The following RALGDS variants were observed in gnomAD, a reference collection of about 807,000 sequenced individuals.
RALGDS encodes ral guanine nucleotide exchange factor.
Under a neutral mutation model 99.8 loss-of-function variants are expected in RALGDS, and 44 were observed. The observed-to-expected ratio is 0.44, with a 90% CI of 0.35 to 0.57. The LOEUF is 0.57. Ranked by LOEUF, RALGDS falls within the 20% of genes least tolerant of loss-of-function variation. The pLI, the probability that RALGDS is intolerant of heterozygous loss-of-function variation, is 0.01. For synonymous variants in RALGDS, 529 were observed against 505.0 expected (o/e 1.05, Z -0.64); for missense variants, 1,022 against 1,203.1 (o/e 0.85, Z 2.23).
At chr9:133,102,224 G>A in intron 14 of RALGDS, 85 bp from the exon 15 acceptor site, 2 of 1,416,258 alleles carry the variant, frequency 1.4e-6, no homozygotes, top group Non-Finnish European at 1.9e-6. Context: ...CCCAAGGACT[G>A]TGCAAAGTGC....
chr9:133,106,147 C>G lies in RALGDS; in HGVS notation c.1518-131G>C, dbSNP rs2119146271. On this transcript the variant is annotated intron_variant, in intron 8 of 17. Coordinates refer to ENST00000372050, the MANE Select transcript of RALGDS (RefSeq NM_006266.4). ...GCAGCACACAGGGTACCCCAGAGCA[C>G]TAACGCTCTGCAGGTCTGGGGAGGG... 3 of 722,848 alleles carry G rather than the reference C, an allele frequency of 4.2e-6. 1 individual carries two copies. In the East Asian group the frequency reaches 9.0e-5, roughly 22 times the overall value. 44.8% of individuals were successfully genotyped at this position (722,848 alleles called of 1,614,324 possible).
At chr9:133,109,903 A>T (rs752715079) in intron 3 of RALGDS, among the ~76,000 whole-genome samples, 182 bp from the exon 4 acceptor site, 15 of 152,042 alleles carry the variant, frequency 9.9e-5, no homozygotes, top group Non-Finnish European at 1.8e-4. Flanking sequence ...GCTCCTTCCC[A>T]GCTATCTGAG....
intron 1 of RALGDS, among the ~76,000 whole-genome samples, chr9:133,115,604 C>T (rs569632129): frequency 6.6e-6 from 1 of 152,200 alleles, no homozygotes; most frequent in Non-Finnish European, 1.5e-5. Flanking sequence ...GGTGTGTCAT[C>T]TGGGGAGGGC....
intron 1 of RALGDS, among the ~76,000 whole-genome samples, chr9:133,146,906 G>A (rs1272680052): frequency 6.6e-6 from 1 of 152,186 alleles, no homozygotes; most frequent in Non-Finnish European, 1.5e-5. Flanking sequence ...AGAATGGCCT[G>A]GGGGCGGGTC....
upstream of RALGDS, among the ~76,000 whole-genome samples, chr9:133,123,722 A>T (rs1832028996): frequency 9.6e-6 from 1 of 104,170 alleles, no homozygotes; most frequent in East Asian, 3.8e-4. Flanking sequence ...AGATGCACAC[A>T]CAGAGACACA....
At chr9:133,117,964 A>G (rs1244912889) in intron 1 of RALGDS, among the ~76,000 whole-genome samples, 1 of 152,246 alleles carries the variant, frequency 6.6e-6, no homozygotes, top group Non-Finnish European at 1.5e-5. Flanking sequence ...ATCAGACCCC[A>G]GCTCTGGCAA....
At chr9:133,121,264 T>A (rs1421074443), upstream of RALGDS, 73 of 982,228 alleles carry the variant, frequency 7.4e-5, no homozygotes, top group Non-Finnish European at 8.7e-5. Context: ...CCGGCCCTGC[T>A]GATGTCAGGC....
chr9:133,103,935 G>A, intron 10 of RALGDS, 102 bp from the exon 11 acceptor site: 1 of 1,074,684 alleles, frequency 9.3e-7, no homozygotes, highest in Non-Finnish European at 1.4e-6. Context: ...GGGACCTCTG[G>A]GGGCCTCCTG....
At chr9:133,102,412 G>C (rs552351827) in intron 14 of RALGDS, 64 bp downstream of exon 14, 1 of 1,537,926 alleles carries the variant, frequency 6.5e-7, no homozygotes, top group East Asian at 2.2e-5. Flanking sequence ...CTGAGCCCAG[G>C]CTCAGCCCTG....
chr9:133,102,444 G>A, intron 14 of RALGDS, 32 bp downstream of exon 14: 1 of 1,601,292 alleles, frequency 6.2e-7, no homozygotes, highest in African/African-American at 1.3e-5. Flanking sequence ...CCCCAAGGCA[G>A]CTGCCCCTAC....
At chr9:133,132,829 G>A (rs1015936391), upstream of RALGDS, among the ~76,000 whole-genome samples, 1 of 152,084 alleles carries the variant, frequency 6.6e-6, no homozygotes, top group Non-Finnish European at 1.5e-5. Context: ...TAGTAGAGAT[G>A]GGGTTTTACA....
rs750988470 is a variant in RALGDS at position 133,102,767 on chromosome 9, C to T, written c.1913+12G>A. The stretch of plus-strand genomic sequence containing the variant: ...CTGCCCCCACTGTCCCCATTTGCTG[C>T]CCCGGCCTCACCTCTCAGTCTCGCT... On this transcript the variant is annotated intron_variant, in intron 13 of 17. Coordinates refer to ENST00000372050, the MANE Select transcript of RALGDS (RefSeq NM_006266.4). The T allele has an allele frequency of 9.3e-6, 15 of 1,609,986 alleles. No individual in the cohort carries two copies. The South Asian group carries it at 1.3e-4, about 14-fold the overall frequency.
At chr9:133,103,454 C>T (rs566054630) in intron 11 of RALGDS, among the ~76,000 whole-genome samples, 192 bp from the exon 12 acceptor site, 8 of 152,286 alleles carry the variant, frequency 5.3e-5, no homozygotes, top group South Asian at 2.1e-4. Context: ...CCAGCACTCT[C>T]GGAGGACAAT....
intron 1 of RALGDS, among the ~76,000 whole-genome samples, chr9:133,119,296 A>C (rs1177035756): frequency 1.3e-5 from 2 of 152,202 alleles, no homozygotes; most frequent in Non-Finnish European, 2.9e-5. Context: ...CAGGAGGGAC[A>C]GGGACTTCCC....
intron 1 of RALGDS, among the ~76,000 whole-genome samples, chr9:133,113,668 T>C (rs1375121245): frequency 6.6e-6 from 1 of 152,182 alleles, no homozygotes; most frequent in Non-Finnish European, 1.5e-5. Flanking sequence ...CCTAGAAAGT[T>C]GTTCCTTTGA....
chr9:133,132,879 C>T (rs188864086), upstream of RALGDS, among the ~76,000 whole-genome samples: 1,233 of 152,226 alleles, frequency 8.1e-3, 10 homozygotes, highest in Middle Eastern at 0.034. Context: ...CGTCGAGATC[C>T]GCCCGCCTTG....
rs1455120280 is a variant in RALGDS at position 133,098,630 on chromosome 9, C to T, written c.2702G>A (p.Arg901His). ...AATCTTGAGTCCTTTCTGCTTCATG[C>T]GAGGGAGGGTGGAGCTGGCTCCGTG... is the stretch of plus-strand genomic sequence containing the variant. Reference protein sequence around the residue: ...VKHGASSTLPRMKQKGLKIAK... With the variant: ...VKHGASSTLPHMKQKGLKIAK... Residue 901 changes from arginine to histidine, a missense_variant, in exon 18 of 18, where the codon CGC (arginine) becomes CAC (histidine). Physicochemically the swap from Arg to His is conservative, Grantham distance 29 (BLOSUM62 0). Transcript: ENST00000372050. 31 of 1,614,028 alleles carry T rather than the reference C, an allele frequency of 1.9e-5. No homozygotes were observed. The highest frequency in any genetic ancestry group is 2.5e-5 in the Non-Finnish European group (30 of 1,180,030).
upstream of RALGDS, chr9:133,121,285 G>A: frequency 4.1e-6 from 4 of 966,456 alleles, no homozygotes; most frequent in Non-Finnish European, 4.9e-6. Flanking sequence ...TGGGGGGCGG[G>A]GCCGGAGGGG....
At chr9:133,113,419 C>T (rs1025821399) in intron 1 of RALGDS, among the ~76,000 whole-genome samples, 2 of 152,192 alleles carry the variant, frequency 1.3e-5, no homozygotes, top group East Asian at 1.9e-4. Flanking sequence ...GACCTGAGGT[C>T]GCCTCCCACG....
Sources: allele counts gnomAD v4.1 joint callset (sites outside exome capture counted in the v4.1 genomes callset), GRCh38; gene constraint gnomAD v4.1.1; transcripts MANE v1.5; gene names NCBI Gene and HGNC (gene_info 2026-07-23, HGNC 2026-07-21).